The following C10orf67 variants were observed in gnomAD, a reference collection of about 807,000 sequenced individuals.
The protein encoded by C10orf67 is chromosome 10 open reading frame 67.
Under a neutral mutation model 35.6 loss-of-function variants are expected in C10orf67, and 60 were observed. The ratio of observed to expected loss-of-function variants is 1.68; its 90% CI spans 1.37 to 2.09. The LOEUF (loss-of-function observed/expected upper bound fraction) is 2.09, where lower values mean the gene tolerates loss of function less well. Among genes scored for constraint, C10orf67 ranks in the 30% most tolerant of loss-of-function variants. The pLI, the probability that C10orf67 is intolerant of heterozygous loss-of-function variation, is 0.00. For missense variants in C10orf67, 474 were observed against 330.2 expected (o/e 1.44, Z -3.38); for synonymous variants, 167 against 115.8 (o/e 1.44, Z -2.84).
chr10:23,270,310 G>C (rs1361361358), intron 8 of C10orf67, among the ~76,000 whole-genome samples: 1 of 152,180 alleles, frequency 6.6e-6, no homozygotes, highest in East Asian at 1.9e-4. Flanking sequence ...AAGGGAAGTG[G>C]TGAGTGATTG....
chr10:23,209,732 G>C (rs1455204373), intron 15 of C10orf67, among the ~76,000 whole-genome samples: 4 of 152,114 alleles, frequency 2.6e-5, no homozygotes, highest in Admixed American at 2.6e-4. Flanking sequence ...AGGTGCAGTG[G>C]CTCATGCCTG....
chr10:23,305,864 T>G (rs1180221978), intron 4 of C10orf67, among the ~76,000 whole-genome samples: 1 of 152,136 alleles, frequency 6.6e-6, no homozygotes, highest in Non-Finnish European at 1.5e-5. Flanking sequence ...ATCTTAAAGA[T>G]ATTTGCATTC....
intron 7 of C10orf67, among the ~76,000 whole-genome samples, chr10:23,285,081 C>G (rs1446684053): frequency 6.6e-6 from 1 of 152,156 alleles, no homozygotes; most frequent in African/African-American, 2.4e-5. Context: ...ATCTGAACTG[C>G]TTCCCAGTTG....
intron 2 of C10orf67, among the ~76,000 whole-genome samples, chr10:23,323,912 T>TAC (rs1845067271): frequency 4.1e-5 from 1 of 24,356 alleles, no homozygotes; most frequent in Non-Finnish European, 6.4e-5. Flanking sequence ...TATATATATA[T>TAC]ATATATATAT....
intron 8 of C10orf67, among the ~76,000 whole-genome samples, chr10:23,278,329 A>G (rs373991188): frequency 2.0e-4 from 30 of 152,182 alleles, no homozygotes; most frequent in South Asian, 8.3e-4. Context: ...TACTCTGTGT[A>G]TTGTATAGCT....
chr10:23,225,631 C>T (rs146279755), intron 13 of C10orf67, among the ~76,000 whole-genome samples: 107 of 152,188 alleles, frequency 7.0e-4, no homozygotes, highest in African/African-American at 2.2e-3. Flanking sequence ...ACCTACCTCA[C>T]GTGCAGAGAC....
At chr10:23,318,639 C>T (rs939845103) in intron 4 of C10orf67, 1 of 418,580 alleles carries the variant, frequency 2.4e-6, no homozygotes, top group African/African-American at 2.0e-5. Flanking sequence ...GAGACAGTGT[C>T]ACAGATGCCT....
chr10:23,328,792 TG>T (rs1845297442), intron 2 of C10orf67, among the ~76,000 whole-genome samples: 1 of 151,288 alleles, frequency 6.6e-6, no homozygotes, highest in South Asian at 2.1e-4. Flanking sequence ...GAGGCCAGCC[TG>T]GGCAACATAG....
chr10:23,257,868 A>T (rs187706253), intron 10 of C10orf67, among the ~76,000 whole-genome samples: 1 of 152,036 alleles, frequency 6.6e-6, no homozygotes, highest in Non-Finnish European at 1.5e-5. Flanking sequence ...ACTCAACTCA[A>T]CTTTGGTTAG....
rs762972334 is a variant in C10orf67 at position 23,344,623 on chromosome 10, C to A, written c.152G>T (p.Arg51Leu). The change falls in exon 1 of 16, where the codon CGT becomes CTT. Residue 51 changes from arginine to leucine, a missense_variant. Arg to Leu is a moderately radical substitution (Grantham distance 102). Transcript: ENST00000636213. Reference protein sequence around the residue: ...KATELRVCCARRKREAREFKP... With the variant: ...KATELRVCCALRKREAREFKP... ...GAATTCCCGAGCTTCTCGCTTCCTA[C>A]GCGCGCAGCAGACCCGCAGCTCGGT... is the stretch of plus-strand genomic sequence containing the variant. 1.9e-6 allele frequency: 3 copies of A among 1,584,644 alleles called. No homozygotes were observed. The highest frequency in any genetic ancestry group is 2.6e-6 in the Non-Finnish European group (3 of 1,166,220).
chr10:23,340,253 C>T (rs1259537447), intron 1 of C10orf67, among the ~76,000 whole-genome samples: 1 of 151,338 alleles, frequency 6.6e-6, no homozygotes, highest in African/African-American at 2.4e-5. Flanking sequence ...GTGGCTCACA[C>T]CAGCATTTTG....
chr10:23,281,162 T>C (rs967780308), intron 8 of C10orf67, among the ~76,000 whole-genome samples: 1 of 152,224 alleles, frequency 6.6e-6, no homozygotes, highest in Non-Finnish European at 1.5e-5. Context: ...TAGAAGGCTT[T>C]ATTGTAATCC....
Position 23,338,388 on chromosome 10 carries a change from G to A in C10orf67, c.207-5206C>T, listed in dbSNP as rs114810577. On this transcript the variant is annotated intron_variant, in intron 1 of 15. Transcript: ENST00000636213. ...AGATCAATACTGAGCTCCCAACGTG[G>A]CAGCATGAACCACAGGGAATAGCCA... is the stretch of plus-strand genomic sequence containing the variant. Among the ~76,000 whole-genome samples the A allele has an allele frequency of 6.9e-3, 1,054 of 152,202 alleles. 8 individuals are homozygous for A. Among genetic ancestry groups the A allele is most frequent in the African/African-American group, 0.024 (988 of 41,502 alleles).
intron 15 of C10orf67, among the ~76,000 whole-genome samples, chr10:23,221,487 G>C (rs758844349): frequency 4.6e-5 from 7 of 152,152 alleles, no homozygotes; most frequent in Non-Finnish European, 8.8e-5. Context: ...TTTCCGGGGG[G>C]TCTGAAGAGG....
chr10:23,279,092 T>G (rs1036892989), intron 8 of C10orf67, among the ~76,000 whole-genome samples: 1 of 152,170 alleles, frequency 6.6e-6, no homozygotes, highest in Non-Finnish European at 1.5e-5. Context: ...TCTCTATATT[T>G]TATAAATGTT....
At chr10:23,247,825 G>A (rs1446158514) in intron 12 of C10orf67, among the ~76,000 whole-genome samples, 1 of 152,176 alleles carries the variant, frequency 6.6e-6, no homozygotes, top group Non-Finnish European at 1.5e-5. Context: ...GAGGTGACAG[G>A]CACTGGATGG....
At chr10:23,266,148 AG>A (rs11336507) in intron 10 of C10orf67, 113 bp downstream of exon 10, 146,750 of 396,574 alleles carry the variant, frequency 0.37, 30,902 homozygotes, top group East Asian at 0.79. Flanking sequence ...CCCCCCACTC[AG>A]GGGGTGAGAA....
chr10:23,305,364 A>G (rs1844237167), intron 4 of C10orf67, among the ~76,000 whole-genome samples: 1 of 152,232 alleles, frequency 6.6e-6, no homozygotes, highest in Non-Finnish European at 1.5e-5. Context: ...AATGCTAGGC[A>G]TGGTGGCTTG....
intron 15 of C10orf67, among the ~76,000 whole-genome samples, chr10:23,218,442 C>A (rs1040617240): frequency 6.6e-6 from 1 of 151,886 alleles, no homozygotes; most frequent in African/African-American, 2.4e-5. Context: ...GCCACCACTC[C>A]CAGCCCCAGG....
Sources: gnomAD v4.1 joint callset for allele counts (sites outside exome capture counted in the v4.1 genomes callset) on GRCh38, gnomAD v4.1.1 for gene constraint, MANE v1.5 for transcripts, NCBI Gene and HGNC (gene_info 2026-07-23, HGNC 2026-07-21) for gene names.